Variants in CDH12 observed in about 807,000 individuals in gnomAD.
The protein encoded by CDH12 is cadherin-12.
CDH12 carries 41 observed loss-of-function variants against 74.1 expected under a neutral mutation model. The ratio of observed to expected loss-of-function variants is 0.55; its 90% CI spans 0.43 to 0.72. CDH12 has a LOEUF of 0.72. CDH12 is among the 30% of genes least tolerant of loss of function. The pLI, the probability that CDH12 is intolerant of heterozygous loss-of-function variation, is 0.00. For synonymous variants in CDH12, 399 were observed against 355.0 expected, an observed-to-expected ratio of 1.12 and a Z score of -1.39; for missense variants, 945 against 977.2, an observed-to-expected ratio of 0.97 and a Z score of 0.44.
At chr5:21,830,443 A>G (rs1748952366) in intron 8 of CDH12, among the ~76,000 whole-genome samples, 1 of 152,112 alleles carries the variant, frequency 6.6e-6, no homozygotes, top group Middle Eastern at 3.2e-3. Context: ...AGCACAGTAT[A>G]TTATTATGAA....
rs535485288 is a variant in CDH12 at position 21,844,043 on chromosome 5, A to G, written c.647-1715T>C. 5.9e-5 allele frequency among the ~76,000 whole-genome samples: 9 copies of G among 152,242 alleles called. No individual in the cohort carries two copies. The East Asian group carries it at 1.5e-3, about 26-fold the overall frequency. ...TATCACTATCCAACAGTCTATTTCTATATCTATATATCTATCTGGACTGAG... is the reference window on the plus strand; with the variant it reads ...TATCACTATCCAACAGTCTATTTCTGTATCTATATATCTATCTGGACTGAG... On this transcript the variant is annotated intron_variant, in intron 7 of 14. Transcript: ENST00000382254.
At chr5:22,135,947 C>A (rs547457945) in intron 4 of CDH12, among the ~76,000 whole-genome samples, 1 of 151,872 alleles carries the variant, frequency 6.6e-6, no homozygotes, top group East Asian at 1.9e-4. Context: ...CTGGGTATGA[C>A]GAGAATGCCC....
At chr5:22,582,615 T>G (rs1740162034) in intron 1 of CDH12, among the ~76,000 whole-genome samples, 1 of 152,200 alleles carries the variant, frequency 6.6e-6, no homozygotes, top group African/African-American at 2.4e-5. Context: ...ATTTCTAAAA[T>G]GTATATATTA....
At chr5:21,934,788 T>C (rs1460594681) in intron 6 of CDH12, among the ~76,000 whole-genome samples, 1 of 151,858 alleles carries the variant, frequency 6.6e-6, no homozygotes, top group Non-Finnish European at 1.5e-5. Context: ...ACATTCTTCC[T>C]TTTCTCCTTT....
intron 3 of CDH12, among the ~76,000 whole-genome samples, chr5:22,215,588 C>T (rs1478002765): frequency 6.6e-6 from 1 of 151,958 alleles, no homozygotes; most frequent in African/African-American, 2.4e-5. Context: ...ATAATTATTG[C>T]TTTTTTAAAA....
chr5:22,712,760 A>T (rs1032800406), intron 1 of CDH12, among the ~76,000 whole-genome samples: 21 of 152,184 alleles, frequency 1.4e-4, no homozygotes, highest in Non-Finnish European at 2.6e-4. Flanking sequence ...TAAATGTCAC[A>T]AAATGTATAA....
chr5:22,810,882 A>AAAAAAC (rs1043723716), intron 1 of CDH12, among the ~76,000 whole-genome samples: 2 of 151,564 alleles, frequency 1.3e-5, no homozygotes, highest in African/African-American at 4.9e-5. Flanking sequence ...ACCTTCTCTC[A>AAAAAAC]AAAAACAAAA....
Position 21,864,779 on chromosome 5 carries a change from T to A in CDH12, c.527-9989A>T, listed in dbSNP as rs183876066. Among the ~76,000 whole-genome samples, 119 of 152,278 alleles carry A rather than the reference T, an allele frequency of 7.8e-4. 1 individual carries two copies. Among genetic ancestry groups the A allele is most frequent in the Admixed American group, 2.0e-3 (30 of 15,288 alleles). ...CCATGAACACAGTATTAAGAGAAATTCTGGTGAGGGCTCAGAAGAAAAGAA... is the reference window on the plus strand; with the variant it reads ...CCATGAACACAGTATTAAGAGAAATACTGGTGAGGGCTCAGAAGAAAAGAA... On this transcript the variant is annotated intron_variant, in intron 6 of 14. Coordinates refer to ENST00000382254, the MANE Select transcript of CDH12 (RefSeq NM_004061.5).
intron 8 of CDH12, among the ~76,000 whole-genome samples, chr5:21,827,464 T>A (rs1238370891): frequency 6.6e-6 from 1 of 152,150 alleles, no homozygotes; most frequent in African/African-American, 2.4e-5. Flanking sequence ...ATAATTCTGC[T>A]ACTGCACCCA....
At position 22,732,351 on chromosome 5, in the gene CDH12, T is replaced by C. The variant is rs146663823; in HGVS notation, c.-523+120707A>G. ...AACTTAATCACCATTTTCAAGACCT[T>C]GTGTCCAAATATTGTCACATTCTGA... On this transcript the variant is annotated intron_variant, in intron 1 of 14. Coordinates refer to ENST00000382254, the MANE Select transcript of CDH12 (RefSeq NM_004061.5). Among the ~76,000 whole-genome samples the C allele has an allele frequency of 4.6e-3, 694 of 151,890 alleles. 6 individuals carry two copies. Among genetic ancestry groups the C allele is most frequent in the Middle Eastern group, 0.014 (4 of 294 alleles).
chr5:22,142,359 A>C (rs1359180334), intron 4 of CDH12: 26 of 437,142 alleles, frequency 5.9e-5, no homozygotes, highest in Non-Finnish European at 1.1e-4. Flanking sequence ...CTAGGGTAGT[A>C]GAACAATGGG....
At chr5:22,362,946 G>C (rs944287399) in intron 3 of CDH12, among the ~76,000 whole-genome samples, 5 of 114,462 alleles carry the variant, frequency 4.4e-5, no homozygotes, top group African/African-American at 1.6e-4. Flanking sequence ...TGGGGGGAGG[G>C]GGGAGGGATA....
intron 3 of CDH12, among the ~76,000 whole-genome samples, chr5:22,329,095 A>C (rs1193560461): frequency 6.6e-6 from 1 of 152,200 alleles, no homozygotes; most frequent in African/African-American, 2.4e-5. Flanking sequence ...TCAGTGAATT[A>C]ACATTCAATT....
chr5:21,998,007 T>A (rs928208962), intron 5 of CDH12, among the ~76,000 whole-genome samples: 2 of 152,108 alleles, frequency 1.3e-5, no homozygotes, highest in Admixed American at 6.6e-5. Context: ...AGAGATTTTT[T>A]AAAAAGTTCT....
chr5:21,927,478 C>T (rs928255195), intron 6 of CDH12, among the ~76,000 whole-genome samples: 1 of 151,796 alleles, frequency 6.6e-6, no homozygotes, highest in Non-Finnish European at 1.5e-5. Flanking sequence ...GTAGTCCCAG[C>T]TACTCAGGAA....
intron 3 of CDH12, among the ~76,000 whole-genome samples, chr5:22,333,020 T>G (rs186105923): frequency 6.6e-6 from 1 of 152,176 alleles, no homozygotes; most frequent in African/African-American, 2.4e-5. Context: ...TGCACACATA[T>G]GTTTATTGCA....
chr5:22,717,112 T>C (rs1416459647), intron 1 of CDH12, among the ~76,000 whole-genome samples: 2 of 152,116 alleles, frequency 1.3e-5, no homozygotes, highest in African/African-American at 4.8e-5. Context: ...CAAGCAGTGT[T>C]GATAAAGTCT....
At chr5:21,945,984 GA>G (rs59874050) in intron 6 of CDH12, among the ~76,000 whole-genome samples, 26,820 of 146,260 alleles carry the variant, frequency 0.18, 2,770 homozygotes, top group African/African-American at 0.3. Context: ...TTCTGGAAAT[GA>G]AAAAAAAAAA....
chr5:22,555,262 A>C lies in CDH12; in HGVS notation c.-522-49898T>G, dbSNP rs148980856. ...TGTATTTTTTTCATAAATTAAAAAC[A>C]CAACTAGAAAGCAAGAAAAGCCATG... is the stretch of plus-strand genomic sequence containing the variant. On this transcript the variant is annotated intron_variant, in intron 1 of 14. Transcript: ENST00000382254. Among the ~76,000 whole-genome samples the C allele has an allele frequency of 8.1e-3, 1,228 of 152,202 alleles. 18 individuals carry two copies. Among genetic ancestry groups the C allele is most frequent in the African/African-American group, 0.028 (1,145 of 41,572 alleles).
Sources: gnomAD v4.1 joint callset for allele counts (sites outside exome capture counted in the v4.1 genomes callset) on GRCh38, gnomAD v4.1.1 for gene constraint, MANE v1.5 for transcripts, NCBI Gene and HGNC (gene_info 2026-07-23, HGNC 2026-07-21) for gene names.